Variants in SUCLG2 observed in about 807,000 individuals in gnomAD.
The protein encoded by SUCLG2 is succinate-CoA ligase GDP-forming subunit beta.
SUCLG2 carries 42 observed loss-of-function variants against 47.9 expected under a neutral mutation model. The observed-to-expected ratio is 0.88, with a 90% confidence interval of 0.69 to 1.14. The LOEUF (loss-of-function observed/expected upper bound fraction) is 1.14. Among genes scored for constraint, SUCLG2 ranks in the 50% most tolerant of loss-of-function variants. The pLI is 0.00. For missense variants in SUCLG2, 571 were observed against 525.9 expected (o/e 1.09, Z -0.84); for synonymous variants, 195 against 197.3 (o/e 0.99, Z 0.10).
chr3:67,641,749 T>C (rs939932977), intron 1 of SUCLG2, among the ~76,000 whole-genome samples: 2 of 152,092 alleles, frequency 1.3e-5, no homozygotes, highest in African/African-American at 4.8e-5. Context: ...ACATACTGGG[T>C]GGCTGAAACT....
chr3:67,473,375 C>G (rs546830711), intron 9 of SUCLG2, among the ~76,000 whole-genome samples: 2 of 152,050 alleles, frequency 1.3e-5, no homozygotes, highest in South Asian at 4.2e-4. Context: ...CATTATGGAG[C>G]TCAATTATTT....
chr3:67,605,874 C>T (rs1220849970), intron 2 of SUCLG2, among the ~76,000 whole-genome samples: 7 of 152,138 alleles, frequency 4.6e-5, no homozygotes, highest in Non-Finnish European at 1.0e-4. Context: ...CAGCCCAACA[C>T]GTCAATGCAA....
intron 10 of SUCLG2, among the ~76,000 whole-genome samples, chr3:67,381,356 G>C (rs1331124027): frequency 6.6e-6 from 1 of 152,112 alleles, no homozygotes; most frequent in Non-Finnish European, 1.5e-5. Context: ...GAGTATTTAA[G>C]GTTATTTTCT....
intron 9 of SUCLG2, among the ~76,000 whole-genome samples, chr3:67,465,618 G>A (rs971386230): frequency 2.0e-5 from 3 of 152,198 alleles, no homozygotes; most frequent in South Asian, 2.1e-4. Flanking sequence ...GCTCCCAGCC[G>A]AGTAGGGGCA....
intron 9 of SUCLG2, chr3:67,408,621 G>C: frequency 9.8e-7 from 1 of 1,017,264 alleles, no homozygotes; most frequent in Non-Finnish European, 1.2e-6. Flanking sequence ...GGTCTAATTA[G>C]ACTCCAATCT....
At chr3:67,390,552 G>C (rs1575663657) in intron 10 of SUCLG2, among the ~76,000 whole-genome samples, 2 of 152,242 alleles carry the variant, frequency 1.3e-5, no homozygotes, top group African/African-American at 2.4e-5. Context: ...TTGTTCAAAA[G>C]ACTCTTGCGT....
intron 2 of SUCLG2, among the ~76,000 whole-genome samples, chr3:67,579,280 T>A (rs79572381): frequency 0.028 from 4,191 of 152,020 alleles, 164 homozygotes; most frequent in East Asian, 0.19. Context: ...AGATTAAGAG[T>A]AGAAGAATTT....
intron 5 of SUCLG2, among the ~76,000 whole-genome samples, chr3:67,520,171 TA>T (rs1351726556): frequency 6.6e-6 from 1 of 151,970 alleles, no homozygotes; most frequent in African/African-American, 2.4e-5. Context: ...GAAATGAAAA[TA>T]TAGCAGTCCT....
chr3:67,566,851 T>A (rs1377613706), intron 2 of SUCLG2, among the ~76,000 whole-genome samples: 1 of 152,182 alleles, frequency 6.6e-6, no homozygotes, highest in African/African-American at 2.4e-5. Flanking sequence ...CCATCCTATG[T>A]TTTTATGCCT....
intron 9 of SUCLG2, among the ~76,000 whole-genome samples, chr3:67,491,870 C>G (rs1404239523): frequency 2.0e-5 from 3 of 151,940 alleles, no homozygotes; most frequent in Non-Finnish European, 4.4e-5. Context: ...ATAAAACAAC[C>G]CTCTGAGGTA....
At chr3:67,570,447 A>G (rs185250892) in intron 2 of SUCLG2, among the ~76,000 whole-genome samples, 1 of 152,230 alleles carries the variant, frequency 6.6e-6, no homozygotes, top group African/African-American at 2.4e-5. Flanking sequence ...TCTAGGAGGC[A>G]ACCCATGTCA....
In SUCLG2 at chr3:67,495,903, G is replaced by T. The variant is rs368002457; in HGVS notation, c.957C>A (p.Ile319=). 1.9e-6 allele frequency: 3 copies of T among 1,613,998 alleles called. No individual in the cohort carries two copies. Among genetic ancestry groups the T allele is most frequent in the Non-Finnish European group, 2.5e-6 (3 of 1,179,966 alleles). The change falls in exon 9 of 11, where the codon ATC becomes ATA. Residue 319 remains isoleucine (I), a synonymous_variant. Transcript: ENST00000307227. The stretch of plus-strand genomic sequence containing the variant: ...CTGGCTTCCCACCATTAAGGAAAAT[G>T]ATATCACAAGTAGCCATGGCGAGCC... ...GAGLAMATCD[I]IFLNGGKPAN...
At chr3:67,573,864 A>G (rs972518478) in intron 2 of SUCLG2, among the ~76,000 whole-genome samples, 2 of 152,156 alleles carry the variant, frequency 1.3e-5, no homozygotes, top group African/African-American at 2.4e-5. Context: ...GCTGTGGGAC[A>G]AAGAGCCCCA....
At chr3:67,616,162 T>C (rs947980334) in intron 1 of SUCLG2, among the ~76,000 whole-genome samples, 11 of 152,082 alleles carry the variant, frequency 7.2e-5, no homozygotes, top group African/African-American at 2.7e-4. Flanking sequence ...GGCTGGATTA[T>C]AAGAGTTACA....
At position 67,547,827 on chromosome 3, in the gene SUCLG2, G is replaced by A. The variant is rs78704544; in HGVS notation, c.227-18641C>T. Among the ~76,000 whole-genome samples, 454 of 152,254 alleles carry A rather than the reference G, an allele frequency of 3.0e-3. 6 individuals carry two copies. Among genetic ancestry groups the A allele is most frequent in the African/African-American group, 0.01 (433 of 41,540 alleles). On this transcript the variant is annotated intron_variant, in intron 2 of 10. Transcript: ENST00000307227. ...AGTTCAAAGGAGATGCTACAGCAAG[G>A]GGGATCCATGAAGCCAGGGAGAGAT... is the stretch of plus-strand genomic sequence containing the variant.
chr3:67,413,944 T>C (rs1270601010), intron 9 of SUCLG2, among the ~76,000 whole-genome samples: 3 of 152,250 alleles, frequency 2.0e-5, no homozygotes, highest in African/African-American at 7.2e-5. Context: ...TTTTCCAATA[T>C]GTTAAATCCA....
At chr3:67,536,746 A>G (rs1347276564) in intron 2 of SUCLG2, among the ~76,000 whole-genome samples, 2 of 152,210 alleles carry the variant, frequency 1.3e-5, no homozygotes, top group Admixed American at 1.3e-4. Flanking sequence ...AGGCTGGGCA[A>G]CTTATTTCAT....
intron 9 of SUCLG2, among the ~76,000 whole-genome samples, chr3:67,428,855 T>C (rs546865573): frequency 3.7e-4 from 56 of 152,180 alleles, no homozygotes; most frequent in African/African-American, 1.3e-3. Context: ...ATATTAGTGA[T>C]TGAAGATCAA....
chr3:67,635,321 C>A (rs138891065), intron 1 of SUCLG2, among the ~76,000 whole-genome samples: 19 of 152,238 alleles, frequency 1.2e-4, no homozygotes, highest in Non-Finnish European at 2.6e-4. Flanking sequence ...CTTTCAAAGC[C>A]CAACAACTGT....
Sources: gnomAD v4.1 joint callset for allele counts (sites outside exome capture counted in the v4.1 genomes callset) on GRCh38, gnomAD v4.1.1 for gene constraint, MANE v1.5 for transcripts, NCBI Gene and HGNC (gene_info 2026-07-23, HGNC 2026-07-21) for gene names.